Variants in ROBO1 observed in about 807,000 individuals in gnomAD.
ROBO1 encodes the protein roundabout guidance receptor 1.
Under a neutral mutation model 195.9 loss-of-function variants are expected in ROBO1, and 149 were observed. That is an observed-to-expected ratio of 0.76 (90% CI 0.67 to 0.87). ROBO1 has a LOEUF of 0.87. ROBO1 is among the 40% of genes least tolerant of loss of function. The pLI is 0.00. For missense variants in ROBO1, 1,933 were observed against 2,068.3 expected, an observed-to-expected ratio of 0.93 and a Z score of 1.27; for synonymous variants, 816 against 733.2, an observed-to-expected ratio of 1.11 and a Z score of -1.82.
At chr3:79,316,054 T>C (rs1001875344) in intron 2 of ROBO1, among the ~76,000 whole-genome samples, 10 of 152,192 alleles carry the variant, frequency 6.6e-5, no homozygotes, top group African/African-American at 2.4e-4. Context: ...CAGGGATTTT[T>C]GACCCCACAG....
At chr3:79,182,572 CGTGCGTGCATGCACGCACTG>C (rs1376212212) in intron 2 of ROBO1, among the ~76,000 whole-genome samples, 1 of 93,488 alleles carries the variant, frequency 1.1e-5, no homozygotes, top group Non-Finnish European at 2.2e-5. Context: ...TGTGTGTGTG[CGTGCGTGCATGCACGCACTG>C]GAGTGGGGAT....
intron 4 of ROBO1, among the ~76,000 whole-genome samples, chr3:78,873,702 A>T (rs11127636): frequency 6.6e-6 from 1 of 151,856 alleles, no homozygotes; most frequent in Non-Finnish European, 1.5e-5. Context: ...GAGGTTAGGA[A>T]ATTTTTAAAA....
intron 2 of ROBO1, among the ~76,000 whole-genome samples, chr3:79,314,117 C>G (rs1259024762): frequency 6.6e-6 from 1 of 152,142 alleles, no homozygotes; most frequent in Admixed American, 6.5e-5. Flanking sequence ...GTCTCATGCT[C>G]CTCCTTTAAA....
intron 3 of ROBO1, among the ~76,000 whole-genome samples, chr3:79,051,015 A>G (rs1395066548): frequency 6.6e-6 from 1 of 152,182 alleles, no homozygotes; most frequent in Non-Finnish European, 1.5e-5. Context: ...AAGCAAGAGC[A>G]AACAAATTCA....
At chr3:78,982,964 G>A (rs1231820617) in intron 3 of ROBO1, among the ~76,000 whole-genome samples, 1 of 151,868 alleles carries the variant, frequency 6.6e-6, no homozygotes, top group African/African-American at 2.4e-5. Context: ...CTGGAGTGGA[G>A]TGGCATGATC....
At chr3:78,647,080 G>A (rs933950585) in intron 20 of ROBO1, among the ~76,000 whole-genome samples, 6 of 152,032 alleles carry the variant, frequency 3.9e-5, no homozygotes, top group African/African-American at 1.4e-4. Context: ...ACAACTACAC[G>A]TACATCTTTT....
chr3:78,606,780 T>C lies in ROBO1; in HGVS notation c.4697A>G (p.Lys1566Arg). The C allele has an allele frequency of 6.2e-7, 1 of 1,613,960 alleles. No homozygotes were observed. Among genetic ancestry groups the C allele is most frequent in the Middle Eastern group, 1.7e-4 (1 of 6,058 alleles). Residue 1566 changes from lysine to arginine, a missense_variant, in exon 29 of 31, where the codon AAG becomes AGG. Physicochemically the swap from Lys to Arg is conservative, Grantham distance 26 (BLOSUM62 2). Around this residue, in one of 3 missense-constraint regions of ROBO1, gnomAD observed 1,737 missense variants for 1,882.5 expected, o/e 0.92. Coordinates refer to ENST00000464233, the MANE Select transcript of ROBO1 (RefSeq NM_002941.4). ...QQNDGKGRGN[K>R]AAKRDLPPAK... is the part of the protein sequence containing the mutation. The stretch of plus-strand genomic sequence containing the variant: ...TGGTGGAAGGTCTCGTTTTGCTGCC[T>C]TGTTTCCACGTCCTTTCCCGTCATT...
At chr3:78,711,382 CCTTCCTTCCTTCCTTCCTTT>C (rs1184058682) in intron 8 of ROBO1, among the ~76,000 whole-genome samples, 1 of 33,032 alleles carries the variant, frequency 3.0e-5, no homozygotes, top group East Asian at 5.7e-4. Context: ...TTCCTTCCTT[CCTTCCTTCCTTCCTTCCTTT>C]CTTTCTTTCT....
chr3:78,891,401 C>T (rs541675565), intron 4 of ROBO1, among the ~76,000 whole-genome samples: 18 of 152,222 alleles, frequency 1.2e-4, no homozygotes, highest in Middle Eastern at 3.4e-3. Flanking sequence ...AATTAAACCA[C>T]GGTGAGAGAT....
intron 1 of ROBO1, among the ~76,000 whole-genome samples, chr3:79,733,296 C>T (rs1254268488): frequency 3.9e-5 from 6 of 152,150 alleles, no homozygotes; most frequent in Non-Finnish European, 5.9e-5. Flanking sequence ...AAAACTTTCT[C>T]ATATGCAAAT....
In ROBO1 at chr3:78,617,679, T is replaced by C. The variant is rs768597158; in HGVS notation, c.4238A>G (p.Tyr1413Cys). The change falls in exon 27 of 31, where the codon TAT becomes TGT. Residue 1413 changes from tyrosine (Y) to cysteine (C), a missense_variant. Coordinates refer to ENST00000464233, the MANE Select transcript of ROBO1 (RefSeq NM_002941.4). ...CCGTCGTGCTACTTTCAGACCAGCATACTCTGCCGCTGCTGCGACTGCCTG... is the reference window on the plus strand; with the variant it reads ...CCGTCGTGCTACTTTCAGACCAGCACACTCTGCCGCTGCTGCGACTGCCTG... ...FAQAVAAAAE[Y>C]AGLKVARRQM... is the part of the protein sequence containing the mutation. The C allele has an allele frequency of 1.9e-6, 3 of 1,613,886 alleles. No individual in the cohort carries two copies. The highest frequency in any genetic ancestry group is 1.7e-6 in the Non-Finnish European group (2 of 1,179,808).
chr3:79,595,161 C>G (rs1251178925), intron 1 of ROBO1, among the ~76,000 whole-genome samples: 1 of 151,788 alleles, frequency 6.6e-6, no homozygotes, highest in African/African-American at 2.4e-5. Context: ...TGTTTATTTT[C>G]AAGTAATATA....
At chr3:78,920,831 T>C (rs900547118) in intron 4 of ROBO1, among the ~76,000 whole-genome samples, 1 of 151,792 alleles carries the variant, frequency 6.6e-6, no homozygotes, top group African/African-American at 2.4e-5. Context: ...TTTTTTTACT[T>C]TTTTTAAATT....
intron 8 of ROBO1, among the ~76,000 whole-genome samples, chr3:78,706,223 C>T (rs2081548235): frequency 2.0e-5 from 3 of 151,892 alleles, no homozygotes; most frequent in Admixed American, 6.6e-5. Context: ...GAGTAACTAG[C>T]AAGTAGAAGA....
intron 1 of ROBO1, among the ~76,000 whole-genome samples, chr3:79,598,314 A>G (rs906432499): frequency 1.3e-5 from 2 of 152,026 alleles, no homozygotes; most frequent in African/African-American, 4.8e-5. Flanking sequence ...TGAAGCACAC[A>G]TCCTTTTAGA....
intron 1 of ROBO1, among the ~76,000 whole-genome samples, chr3:79,649,330 A>G (rs1945929676): frequency 6.6e-6 from 1 of 152,076 alleles, no homozygotes; most frequent in African/African-American, 2.4e-5. Context: ...TATGTAATGT[A>G]TATGTCTCCA....
At chr3:78,891,690 T>C (rs1486231740) in intron 4 of ROBO1, among the ~76,000 whole-genome samples, 1 of 152,204 alleles carries the variant, frequency 6.6e-6, no homozygotes, top group Admixed American at 6.5e-5. Context: ...ATAATCCAAG[T>C]GTCCGTTCGT....
chr3:78,655,814 TAAC>T (rs1260858760), intron 18 of ROBO1, among the ~76,000 whole-genome samples: 2 of 152,354 alleles, frequency 1.3e-5, no homozygotes, highest in African/African-American at 4.8e-5. Flanking sequence ...TTTGATGATT[TAAC>T]AACTGATTGT....
chr3:78,726,303 T>A (rs1301010522), intron 5 of ROBO1, among the ~76,000 whole-genome samples: 1 of 152,154 alleles, frequency 6.6e-6, no homozygotes, highest in Non-Finnish European at 1.5e-5. Context: ...CTAATACAGA[T>A]AAGACACACA....
Sources: gnomAD v4.1 joint callset for allele counts (sites outside exome capture counted in the v4.1 genomes callset) on GRCh38, gnomAD v4.1.1 for gene constraint, gnomAD v4.1.1 regional missense constraint, MANE v1.5 for transcripts, NCBI Gene and HGNC (gene_info 2026-07-23, HGNC 2026-07-21) for gene names.